Variants in ZDHHC14 observed in about 807,000 individuals in gnomAD.
ZDHHC14 encodes zDHHC palmitoyltransferase 14, also known as palmitoyltransferase ZDHHC14.
Under a neutral mutation model 47.7 loss-of-function variants are expected in ZDHHC14, and 16 were observed. That is an observed-to-expected ratio of 0.34 (90% CI 0.23 to 0.51). The LOEUF (loss-of-function observed/expected upper bound fraction) is 0.51, where lower values mean the gene tolerates loss of function less well. Ranked by LOEUF, ZDHHC14 falls within the 20% of genes least tolerant of loss-of-function variation. ZDHHC14 has a pLI of 0.97. For synonymous variants in ZDHHC14, 293 were observed against 278.9 expected (o/e 1.05, Z -0.50); for missense variants, 515 against 662.5 (o/e 0.78, Z 2.44).
At chr6:157,424,850 C>A (rs1160557032) in intron 1 of ZDHHC14, among the ~76,000 whole-genome samples, 1 of 151,986 alleles carries the variant, frequency 6.6e-6, no homozygotes, top group Non-Finnish European at 1.5e-5. Context: ...CCCAACCCCA[C>A]CCCAGGCCCC....
chr6:157,585,184 G>T (rs1783644505), intron 2 of ZDHHC14, among the ~76,000 whole-genome samples: 1 of 152,050 alleles, frequency 6.6e-6, no homozygotes, highest in African/African-American at 2.4e-5. Context: ...TCCAGCCTAG[G>T]TGACAAGAGC....
At chr6:157,654,927 G>T (rs185581322) in intron 8 of ZDHHC14, among the ~76,000 whole-genome samples, 124 of 152,160 alleles carry the variant, frequency 8.1e-4, no homozygotes, top group East Asian at 8.1e-3. Context: ...TAGAGACAGG[G>T]CTTCGCTATG....
intron 3 of ZDHHC14, among the ~76,000 whole-genome samples, chr6:157,608,834 A>AG (rs34721947): frequency 1.3e-5 from 2 of 152,126 alleles, no homozygotes; most frequent in East Asian, 1.9e-4. Context: ...AGGAGACGAG[A>AG]GGGGGGGCTG....
chr6:157,497,878 G>A (rs777969413), intron 1 of ZDHHC14, among the ~76,000 whole-genome samples: 4 of 152,112 alleles, frequency 2.6e-5, no homozygotes, highest in Non-Finnish European at 5.9e-5. Flanking sequence ...TAATTACCAT[G>A]GGGCCAGCAC....
At chr6:157,492,050 G>C (rs895014416) in intron 1 of ZDHHC14, among the ~76,000 whole-genome samples, 2 of 152,204 alleles carry the variant, frequency 1.3e-5, no homozygotes, top group Non-Finnish European at 2.9e-5. Flanking sequence ...CACAGCACCA[G>C]TTGCCGGTGT....
At chr6:157,639,420 T>C (rs536750405) in intron 5 of ZDHHC14, among the ~76,000 whole-genome samples, 2 of 152,316 alleles carry the variant, frequency 1.3e-5, no homozygotes, top group East Asian at 3.9e-4. Flanking sequence ...TTCTCCTGCC[T>C]CTGCCTCCCA....
At chr6:157,466,043 A>C (rs547895884) in intron 1 of ZDHHC14, among the ~76,000 whole-genome samples, 1 of 152,220 alleles carries the variant, frequency 6.6e-6, no homozygotes, top group Admixed American at 6.5e-5. Context: ...TTCTGTCTCA[A>C]AGAAAAAAAA....
chr6:157,422,725 G>A (rs1778136509), intron 1 of ZDHHC14, among the ~76,000 whole-genome samples: 1 of 152,220 alleles, frequency 6.6e-6, no homozygotes, highest in South Asian at 2.1e-4. Context: ...ATAACCAGGA[G>A]GAGGAAGAGA....
chr6:157,390,347 T>C lies in ZDHHC14; in HGVS notation c.245+8081T>C, dbSNP rs146800075. Among the ~76,000 whole-genome samples, 516 of 152,306 alleles carry C rather than the reference T, an allele frequency of 3.4e-3. 5 individuals carry two copies. Among genetic ancestry groups the C allele is most frequent in the African/African-American group, 0.012 (488 of 41,578 alleles). On this transcript the variant is annotated intron_variant, in intron 1 of 8. Coordinates refer to ENST00000359775, the MANE Select transcript of ZDHHC14 (RefSeq NM_024630.3). ...TCTCTTTATCTTTTGTTGTCAGTAG[T>C]TGGAATATGATAACATGCCTATGTA...
intron 1 of ZDHHC14, among the ~76,000 whole-genome samples, chr6:157,526,583 C>T (rs959122905): frequency 6.6e-6 from 1 of 152,248 alleles, no homozygotes; most frequent in African/African-American, 2.4e-5. Flanking sequence ...TTCACTCTCT[C>T]ATTTAGCCTT....
chr6:157,675,682 CGGAG>C lies in ZDHHC14; in HGVS notation c.*2563_*2566del. On this transcript the variant is annotated 3_prime_UTR_variant, in exon 9 of 9. Transcript: ENST00000359775. The stretch of plus-strand genomic sequence containing the variant: ...ACTTCTGTTTGTCAGGAGGGATGGT[CGGAG>C]GGGCAGCTCACCTGGCGAGGTGATG... The C allele has an allele frequency of 6.6e-6, 1 of 152,316 alleles. No homozygotes were observed. The highest frequency in any genetic ancestry group is 6.5e-5 in the Admixed American group (1 of 15,306). The allele number at this position is 152,316 out of a possible 1,614,324, so 9.4% of individuals were successfully genotyped here.
chr6:157,656,592 TC>T (rs559816527), intron 8 of ZDHHC14, among the ~76,000 whole-genome samples: 100 of 151,058 alleles, frequency 6.6e-4, no homozygotes, highest in African/African-American at 2.3e-3. Flanking sequence ...AGCCTCTGCC[TC>T]CCAAAGTGAT....
At chr6:157,634,378 T>G (rs1776862397) in intron 5 of ZDHHC14, among the ~76,000 whole-genome samples, 2 of 152,146 alleles carry the variant, frequency 1.3e-5, no homozygotes. Context: ...ATGAATGAAA[T>G]CTTCAATACC....
chr6:157,476,342 A>G (rs1779483008), intron 1 of ZDHHC14, among the ~76,000 whole-genome samples: 1 of 152,214 alleles, frequency 6.6e-6, no homozygotes, highest in South Asian at 2.1e-4. Context: ...CATACAACCT[A>G]TCAAGACAAT....
At chr6:157,418,034 C>T (rs757985171) in intron 1 of ZDHHC14, among the ~76,000 whole-genome samples, 3 of 152,022 alleles carry the variant, frequency 2.0e-5, no homozygotes, top group Admixed American at 6.6e-5. Flanking sequence ...AGCGATGTCT[C>T]GGGGCCCAGG....
intron 1 of ZDHHC14, among the ~76,000 whole-genome samples, chr6:157,486,560 G>A (rs1335211587): frequency 6.6e-6 from 1 of 152,186 alleles, no homozygotes; most frequent in Non-Finnish European, 1.5e-5. Context: ...CACATATTGA[G>A]CACCTACCAA....
chr6:157,466,054 A>AAG (rs1562436516), intron 1 of ZDHHC14, among the ~76,000 whole-genome samples: 1 of 151,868 alleles, frequency 6.6e-6, no homozygotes, highest in Non-Finnish European at 1.5e-5. Flanking sequence ...AGAAAAAAAA[A>AAG]AGAGAGAGAG....
chr6:157,633,659 A>G (rs1187451265), intron 5 of ZDHHC14, among the ~76,000 whole-genome samples: 1 of 152,020 alleles, frequency 6.6e-6, no homozygotes, highest in African/African-American at 2.4e-5. Context: ...TTCCGTCTTG[A>G]GGAAGGGAAT....
Position 157,382,108 on chromosome 6 carries a change from CAAG to C in ZDHHC14, c.96_98del (p.Lys33del), listed in dbSNP as rs1294230068. ...GCTCCTCCCCCATGGAGTCGCCCCA[CAAG>C]AAGAAGAAAATCGCGGCCCGGAGGA... is the stretch of plus-strand genomic sequence containing the variant. On this transcript the variant is annotated inframe_deletion, in exon 1 of 9. Transcript: ENST00000359775. 15 of 1,612,782 alleles carry C rather than the reference CAAG, an allele frequency of 9.3e-6. No individual in the cohort carries two copies. Among genetic ancestry groups the C allele is most frequent in the South Asian group, 2.2e-5 (2 of 90,950 alleles).
Sources: allele counts gnomAD v4.1 joint callset (sites outside exome capture counted in the v4.1 genomes callset), GRCh38; gene constraint gnomAD v4.1.1; transcripts MANE v1.5; gene names NCBI Gene and HGNC (gene_info 2026-07-23, HGNC 2026-07-21).